The following CCDC62 variants were observed in gnomAD, a reference collection of about 807,000 sequenced individuals.
The protein encoded by CCDC62 is coiled-coil domain containing 62.
A neutral mutation model predicts 80.8 loss-of-function variants in CCDC62; 72 were observed. The ratio of observed to expected loss-of-function variants is 0.89; its 90% CI spans 0.74 to 1.08. The LOEUF is 1.08. Ranked by LOEUF, CCDC62 falls within the 50% of genes least tolerant of loss-of-function variation. CCDC62 has a pLI of 0.00. For missense variants in CCDC62, 704 were observed against 809.4 expected (o/e 0.87, Z 1.58); for synonymous variants, 286 against 296.5 (o/e 0.96, Z 0.36).
At chr12:122,786,180 C>T (rs2030211755) in intron 4 of CCDC62, among the ~76,000 whole-genome samples, 1 of 148,570 alleles carries the variant, frequency 6.7e-6, no homozygotes, top group Non-Finnish European at 1.5e-5. Flanking sequence ...CGGAGTCTCG[C>T]TCTGTGGCCC....
intron 10 of CCDC62, among the ~76,000 whole-genome samples, chr12:122,807,195 C>T (rs10847751): frequency 0.84 from 128,214 of 152,126 alleles, 55,272 homozygotes; most frequent in East Asian, 0.99. Context: ...ATAGCAAGAC[C>T]CTGCCTCTAT....
chr12:122,796,663 A>G (rs1377096493), intron 6 of CCDC62, among the ~76,000 whole-genome samples: 1 of 152,030 alleles, frequency 6.6e-6, no homozygotes, highest in Non-Finnish European at 1.5e-5. Flanking sequence ...TTCGAGACCA[A>G]CCTGGCTAAC....
chr12:122,796,442 A>G (rs1476251318), intron 6 of CCDC62, among the ~76,000 whole-genome samples: 1 of 152,142 alleles, frequency 6.6e-6, no homozygotes, highest in African/African-American at 2.4e-5. Flanking sequence ...TTATTTAAAC[A>G]TTAGGAAATA....
intron 11 of CCDC62, among the ~76,000 whole-genome samples, chr12:122,817,110 G>A (rs1335529478): frequency 6.6e-6 from 1 of 151,356 alleles, no homozygotes; most frequent in Non-Finnish European, 1.5e-5. Flanking sequence ...GGAGTGCAGT[G>A]GTATGATCTT....
In CCDC62 at chr12:122,801,415, C is replaced by T. The variant is rs773671800; in HGVS notation, c.1269C>T (p.Asn423=). 3 of 1,613,770 alleles carry T rather than the reference C, an allele frequency of 1.9e-6. No homozygotes were observed. The highest frequency in any genetic ancestry group is 2.5e-6 in the Non-Finnish European group (3 of 1,179,920). Residue 423 remains asparagine, a synonymous_variant, in exon 9 of 13, where the codon AAC becomes AAT. Coordinates refer to ENST00000253079, the MANE Select transcript of CCDC62 (RefSeq NM_201435.5). ...GAAAAACCCAGATTGAACCCGAAAACAAAATTACATTGTGCAAGATCCACA... is the reference window on the plus strand; with the variant it reads ...GAAAAACCCAGATTGAACCCGAAAATAAAATTACATTGTGCAAGATCCACA... ...LGGKTQIEPE[N]KITLCKIHTK...
Position 122,787,176 on chromosome 12 carries a change from C to T in CCDC62, c.498+1356C>T, listed in dbSNP as rs113314149. Among the ~76,000 whole-genome samples, 933 of 151,660 alleles carry T rather than the reference C, an allele frequency of 6.2e-3. 6 individuals carry two copies. The highest frequency in any genetic ancestry group is 9.2e-3 in the Non-Finnish European group (623 of 67,840). ...GGCTGTGCTCCTGGAGGCCGGGTGC[C>T]GTGGCTCATGCCTATAATCCCAGCA... On this transcript the variant is annotated intron_variant, in intron 4 of 12. Coordinates refer to ENST00000253079, the MANE Select transcript of CCDC62 (RefSeq NM_201435.5).
At chr12:122,798,022 A>G in intron 7 of CCDC62, 63 bp from the exon 8 acceptor site, 1 of 809,894 alleles carries the variant, frequency 1.2e-6, no homozygotes, top group South Asian at 1.5e-5. Flanking sequence ...GAAAGTGCCA[A>G]ATTGTTGGTT....
At chr12:122,823,861 C>CACCATGCCCGGCTAGTTTTTTTTTTTTTT (rs2032506873) in intron 12 of CCDC62, among the ~76,000 whole-genome samples, 1 of 151,938 alleles carries the variant, frequency 6.6e-6, no homozygotes, top group Admixed American at 6.6e-5. Context: ...TAGTGGGCGC[C>CACCATGCCCGGCTAGTTTTTTTTTTTTTT]TGTAATCCCA....
At position 122,811,545 on chromosome 12, in the gene CCDC62, G is replaced by A. The variant is rs1212152978; in HGVS notation, c.1852-1725G>A. ...TTTTCTTAAAAAAAAAAAAAAATCA[G>A]GTGGTGGCTCATGCCTGTACTCGCA... On this transcript the variant is annotated intron_variant, in intron 10 of 12. Coordinates refer to ENST00000253079, the MANE Select transcript of CCDC62 (RefSeq NM_201435.5). 3.5e-5 allele frequency among the ~76,000 whole-genome samples: 5 copies of A among 144,866 alleles called. No homozygotes were observed. In the Admixed American group the frequency reaches 3.5e-4, roughly 10 times the overall value.
In CCDC62 at chr12:122,801,437, C is replaced by A. The variant is rs1459081167; in HGVS notation, c.1291C>A (p.His431Asn). 6 of 1,613,340 alleles carry A rather than the reference C, an allele frequency of 3.7e-6. No homozygotes were observed. The highest frequency in any genetic ancestry group is 5.1e-6 in the Non-Finnish European group (6 of 1,179,808). The change falls in exon 9 of 13, where the codon CAC (histidine) becomes AAC (asparagine). Residue 431 changes from histidine (H) to asparagine (N), a missense_variant. By Grantham distance (68) the His-to-Asn change is moderately conservative. Coordinates refer to ENST00000253079, the MANE Select transcript of CCDC62 (RefSeq NM_201435.5). ...AAACAAAATTACATTGTGCAAGATC[C>A]ACACAAAATCACCAAAATGTCATGG... ...PENKITLCKIHTKSPKCHGTG... is the reference protein window; with the variant it reads ...PENKITLCKINTKSPKCHGTG...
intron 9 of CCDC62, among the ~76,000 whole-genome samples, chr12:122,804,348 G>A (rs1350165655): frequency 6.6e-6 from 1 of 152,158 alleles, no homozygotes; most frequent in Non-Finnish European, 1.5e-5. Flanking sequence ...TGAGCCGGAC[G>A]TGGTGGCACA....
At chr12:122,792,741 A>G (rs183723440) in intron 6 of CCDC62, among the ~76,000 whole-genome samples, 13 of 151,790 alleles carry the variant, frequency 8.6e-5, no homozygotes, top group African/African-American at 2.4e-4. Context: ...CTGATCTCGA[A>G]CTCTGGCCTC....
intron 11 of CCDC62, among the ~76,000 whole-genome samples, chr12:122,819,416 G>A (rs1192371319): frequency 1.3e-5 from 2 of 152,182 alleles, no homozygotes; most frequent in Admixed American, 6.6e-5. Flanking sequence ...CAGTCCTCCT[G>A]TTGGGGAAAT....
At chr12:122,820,298 A>G (rs1165097276) in intron 11 of CCDC62, among the ~76,000 whole-genome samples, 2 of 152,334 alleles carry the variant, frequency 1.3e-5, no homozygotes, top group East Asian at 3.9e-4. Context: ...AAGGAGTTAG[A>G]GTAAGGGGAA....
At chr12:122,792,664 G>A (rs377055212) in intron 6 of CCDC62, among the ~76,000 whole-genome samples, 5 of 151,060 alleles carry the variant, frequency 3.3e-5, no homozygotes, top group East Asian at 3.9e-4. Context: ...GATTACAGGC[G>A]CATGCTACCA....
At chr12:122,794,523 C>T (rs2030818332) in intron 6 of CCDC62, among the ~76,000 whole-genome samples, 1 of 152,180 alleles carries the variant, frequency 6.6e-6, no homozygotes, top group Non-Finnish European at 1.5e-5. Context: ...ATTCCTTAAA[C>T]ATCTTCTTAA....
intron 10 of CCDC62, among the ~76,000 whole-genome samples, chr12:122,812,761 GAGA>G (rs2031963767): frequency 2.4e-5 from 1 of 40,884 alleles, no homozygotes; most frequent in Non-Finnish European, 5.0e-5. Flanking sequence ...GGGAGGGAGA[GAGA>G]GAGAGAGAGA....
intron 2 of CCDC62, among the ~76,000 whole-genome samples, chr12:122,778,823 G>A (rs1879643409): frequency 6.6e-6 from 1 of 152,156 alleles, no homozygotes; most frequent in Non-Finnish European, 1.5e-5. Context: ...AGGTTGCAGT[G>A]AGCCAAGATT....
chr12:122,792,114 T>G lies in CCDC62; in HGVS notation c.765T>G (p.Leu255=). The change falls in exon 6 of 13, where the codon CTT becomes CTG. Residue 255 remains leucine, a synonymous_variant. Transcript: ENST00000253079. ...AAAGTTGCCTGCACGATGAATTGCT[T>G]TTTACTGGTAAAACAGATGATCGAA... ...QEKSCLHDEL[L]FTVEREKRKD... 1 of 1,596,180 alleles carries G rather than the reference T, an allele frequency of 6.3e-7. No individual in the cohort carries two copies. The highest frequency in any genetic ancestry group is 1.3e-5 in the African/African-American group (1 of 74,632).
Sources: gnomAD v4.1 joint callset for allele counts (sites outside exome capture counted in the v4.1 genomes callset) on GRCh38, gnomAD v4.1.1 for gene constraint, MANE v1.5 for transcripts, NCBI Gene and HGNC (gene_info 2026-07-23, HGNC 2026-07-21) for gene names.